DGKD: variants seen among roughly 807,000 people sequenced by gnomAD.
The protein encoded by DGKD is DAG kinase delta.
Under a neutral mutation model 154.4 loss-of-function variants are expected in DGKD, and 68 were observed. The observed-to-expected ratio is 0.44, with a 90% CI of 0.36 to 0.54. The LOEUF is 0.54. DGKD is among the 20% of genes least tolerant of loss of function. The pLI, the probability that DGKD is intolerant of heterozygous loss-of-function variation, is 0.00. For synonymous variants in DGKD, 693 were observed against 638.0 expected, an observed-to-expected ratio of 1.09 and a Z score of -1.30; for missense variants, 1,343 against 1,593.6, an observed-to-expected ratio of 0.84 and a Z score of 2.68.
Position 233,446,721 on chromosome 2 carries a change from C to T in DGKD, c.1344C>T (p.Val448=). The T allele has an allele frequency of 6.2e-7, 1 of 1,613,938 alleles. No homozygotes were observed. Among genetic ancestry groups the T allele is most frequent in the Non-Finnish European group, 8.5e-7 (1 of 1,180,014 alleles). Residue 448 remains valine, a synonymous_variant, in exon 12 of 30, where the codon GTC becomes GTT. Coordinates refer to ENST00000264057, the MANE Select transcript of DGKD (RefSeq NM_152879.3). ...GACCTTGTGTGTGCAGGTGGAGCGT[C>T]ATGGCATACGAGGCCAAGCTCCCCC... The part of the protein sequence containing the change: ...ASTKMLDRWS[V]MAYEAKLPRQ...
chr2:233,363,661 C>A (rs1284034951), intron 1 of DGKD, among the ~76,000 whole-genome samples: 1 of 152,222 alleles, frequency 6.6e-6, no homozygotes, highest in Non-Finnish European at 1.5e-5. Flanking sequence ...TCCAGCCCTG[C>A]AAGCTCCAGT....
rs2063532496 is a variant in DGKD, at chr2:233,458,640, C to G, written c.2694+243C>G. 2.0e-5 allele frequency among the ~76,000 whole-genome samples: 3 copies of G among 146,384 alleles called. No homozygotes were observed. The highest frequency in any genetic ancestry group is 1.4e-4 in the Admixed American group (2 of 14,656). On this transcript the variant is annotated intron_variant, in intron 22 of 29. Transcript: ENST00000264057. The surrounding 1 kb of genome is among the most constrained non-coding windows in gnomAD (Gnocchi z 6.6). ...TTTTTTTTTTTTTTTGAGACAGAGT[C>G]TTGCTCTGTTGCCCAGGCTGGAGTG...
At position 233,370,131 on chromosome 2, in the gene DGKD, C is replaced by T. The variant is rs143979834; in HGVS notation, c.156+15457C>T. On this transcript the variant is annotated intron_variant, in intron 1 of 29. Transcript: ENST00000264057. ...ATCCCTTCCCCATCGTGAGTCACTC[C>T]TCATTTCCCCCTCCTCCCAGCTGCT... 1.1e-4 allele frequency among the ~76,000 whole-genome samples: 17 copies of T among 152,136 alleles called. No homozygotes were observed. In the East Asian group the frequency reaches 3.1e-3, roughly 28 times the overall value.
intron 10 of DGKD, chr2:233,442,261 C>A: frequency 1.7e-6 from 1 of 600,212 alleles, no homozygotes; most frequent in Non-Finnish European, 3.2e-6. Flanking sequence ...CCACAAAGGA[C>A]CCACATGGGG....
chr2:233,428,498 C>T (rs2062392254), intron 3 of DGKD, among the ~76,000 whole-genome samples: 1 of 152,130 alleles, frequency 6.6e-6, no homozygotes, highest in South Asian at 2.1e-4. Context: ...AAGGTAGCAC[C>T]GATAGTGACA....
At chr2:233,368,066 T>C (rs1049060501) in intron 1 of DGKD, among the ~76,000 whole-genome samples, 13 of 152,228 alleles carry the variant, frequency 8.5e-5, no homozygotes, top group South Asian at 6.2e-4. Flanking sequence ...ACTGTGCAAA[T>C]ATCCTTTACC....
At chr2:233,463,707 C>A (rs375207717) in intron 26 of DGKD, 1 of 208,644 alleles carries the variant, frequency 4.8e-6, no homozygotes, top group South Asian at 8.0e-5. Flanking sequence ...CGCATCACCT[C>A]ACTCCACAGA....
At position 233,471,087 on chromosome 2, in the gene DGKD, CCCCTCTGCGT is replaced by C. The variant is rs1338270405; in HGVS notation, c.*1628_*1637del. The C allele has an allele frequency of 6.6e-6, 1 of 152,440 alleles. No individual in the cohort carries two copies. Among genetic ancestry groups the C allele is most frequent in the East Asian group, 1.9e-4 (1 of 5,266 alleles). 9.4% of individuals were successfully genotyped at this position (152,440 alleles called of 1,614,324 possible). A position where few individuals can be genotyped will look rare whatever the true frequency, so the allele number is the denominator to read the frequency against. On this transcript the variant is annotated 3_prime_UTR_variant, in exon 30 of 30. Transcript: ENST00000264057. ...CCCCTCTGCAGTGCACCCAGGTGGG[CCCCTCTGCGT>C]GCCTTTGGGTGCTCCCCTCTCGTGG...
At chr2:233,388,129 G>T in intron 1 of DGKD, 128 bp from the exon 2 acceptor site, 1 of 1,535,508 alleles carries the variant, frequency 6.5e-7, no homozygotes, top group Non-Finnish European at 8.7e-7. Context: ...AAGGTCTGTT[G>T]AGAGTGTGAG....
At position 233,462,444 on chromosome 2, in the gene DGKD, G is replaced by C; in HGVS notation, c.3078G>C (p.Lys1026Asn). 1 of 1,597,658 alleles carries C rather than the reference G, an allele frequency of 6.3e-7. No homozygotes were observed. The highest frequency in any genetic ancestry group is 8.6e-7 in the Non-Finnish European group (1 of 1,167,430). ...SSKSMDRVYG[K>N]PRTTEGLNCS... ...AGTCCATGGACCGTGTGTATGGCAA[G>C]CCCAGAACCACAGAGGTAGCTATTC... Residue 1026 changes from lysine (K) to asparagine (N), a missense_variant, in exon 25 of 30, where the codon AAG becomes AAC. Transcript: ENST00000264057.
At chr2:233,397,544 G>C (rs1274909660) in intron 3 of DGKD, among the ~76,000 whole-genome samples, 10 of 121,406 alleles carry the variant, frequency 8.2e-5, no homozygotes, top group Non-Finnish European at 3.5e-5. Flanking sequence ...CTGGGGGGGG[G>C]GGGCAGAGTG....
At position 233,385,077 on chromosome 2, in the gene DGKD, A is replaced by G. The variant is rs148936116; in HGVS notation, c.157-3180A>G. ...GCAGCCACGTGTCAGAGAGGGGGCA[A>G]CCTCACCCTGTGCTTGGGCCTGCTA... On this transcript the variant is annotated intron_variant, in intron 1 of 29. Transcript: ENST00000264057. 1.7e-3 allele frequency among the ~76,000 whole-genome samples: 262 copies of G among 152,224 alleles called. 1 individual carries two copies. The highest frequency in any genetic ancestry group is 3.6e-3 in the African/African-American group (150 of 41,532).
chr2:233,446,889 C>T lies in DGKD; in HGVS notation c.1419+93C>T, dbSNP rs78436432. The T allele has an allele frequency of 4.4e-4, 629 of 1,435,226 alleles. 2 individuals are homozygous for T. In the African/African-American group the frequency reaches 8.0e-3, roughly 18 times the overall value. 88.9% of individuals were successfully genotyped at this position (1,435,226 alleles called of 1,614,324 possible). A position where few individuals can be genotyped will look rare whatever the true frequency, so the allele number is the denominator to read the frequency against. On this transcript the variant is annotated intron_variant, in intron 12 of 29. Transcript: ENST00000264057. ...TTGCATCACCTCCCTTGCAGAGACG[C>T]CTCCCCTTTGGTGTTGGGGTGTCAC...
intron 1 of DGKD, among the ~76,000 whole-genome samples, chr2:233,383,187 T>C (rs1196957884): frequency 6.6e-6 from 1 of 152,020 alleles, no homozygotes; most frequent in African/African-American, 2.4e-5. Flanking sequence ...ATTACAGGTA[T>C]CCGCCACCAT....
chr2:233,456,870 C>A, intron 19 of DGKD, 29 bp from the exon 20 acceptor site: 3 of 1,574,320 alleles, frequency 1.9e-6, no homozygotes, highest in Non-Finnish European at 2.6e-6. Context: ...AAGCCCAGAC[C>A]TATGGCAAGT....
At position 233,467,086 on chromosome 2, in the gene DGKD, A is replaced by G; in HGVS notation, c.3307A>G (p.Ser1103Gly). Residue 1103 changes from serine (S) to glycine (G), a missense_variant and splice_region_variant, in exon 28 of 30, where the codon AGT (serine) becomes GGT (glycine). Around this residue, in one of 6 missense-constraint regions of DGKD, gnomAD observed 429 missense variants for 496.3 expected, o/e 0.86. Transcript: ENST00000264057. Reference protein sequence around the residue: ...CQSAEPGDEESVMLDLAKRSR... With the variant: ...CQSAEPGDEEGVMLDLAKRSR... ...CAGTATTCCTCATTCTCCCCAACAGAGTGTGATGCTGGATCTTGCCAAGCG... is the reference window on the plus strand; with the variant it reads ...CAGTATTCCTCATTCTCCCCAACAGGGTGTGATGCTGGATCTTGCCAAGCG... 1 of 1,610,912 alleles carries G rather than the reference A, an allele frequency of 6.2e-7. No homozygotes were observed. Among genetic ancestry groups the G allele is most frequent in the Non-Finnish European group, 8.5e-7 (1 of 1,177,110 alleles).
At position 233,435,934 on chromosome 2, in the gene DGKD, G is replaced by A; in HGVS notation, c.693+10G>A. The stretch of plus-strand genomic sequence containing the variant: ...TGAAGATGCAGATGGGGTATGTTAA[G>A]AAATACCACCTGTGGGGCCCTGAGC... On this transcript the variant is annotated intron_variant, in intron 6 of 29. Coordinates refer to ENST00000264057, the MANE Select transcript of DGKD (RefSeq NM_152879.3). The A allele has an allele frequency of 1.2e-6, 2 of 1,600,234 alleles. No individual in the cohort carries two copies. Among genetic ancestry groups the A allele is most frequent in the South Asian group, 2.2e-5 (2 of 89,958 alleles).
intron 28 of DGKD, 134 bp from the exon 29 acceptor site, chr2:233,468,289 G>C (rs2063892818): frequency 9.4e-7 from 1 of 1,062,596 alleles, no homozygotes; most frequent in Admixed American, 2.3e-5. Context: ...GCTGCTGCTG[G>C]GCTGTCTCGG....
At chr2:233,436,613 T>C (rs978080325) in intron 7 of DGKD, among the ~76,000 whole-genome samples, 172 bp downstream of exon 7, 10 of 152,240 alleles carry the variant, frequency 6.6e-5, no homozygotes, top group African/African-American at 2.4e-4. Context: ...TTAGCTATGT[T>C]TTGGGGTATT....
Sources: allele counts gnomAD v4.1 joint callset (sites outside exome capture counted in the v4.1 genomes callset), GRCh38; gene constraint gnomAD v4.1.1; regional missense constraint gnomAD v4.1.1; non-coding constraint Gnocchi (gnomAD v3.1); transcripts MANE v1.5; gene names NCBI Gene and HGNC (gene_info 2026-07-23, HGNC 2026-07-21).